Variants in CYP4F12 observed in about 807,000 individuals in gnomAD.
The protein encoded by CYP4F12 is cytochrome P450 4F12.
Under a neutral mutation model 56.5 loss-of-function variants are expected in CYP4F12, and 60 were observed. That is an observed-to-expected ratio of 1.06 (90% CI 0.86 to 1.32). CYP4F12 has a LOEUF of 1.32. CYP4F12 is among the 40% of genes most tolerant of loss of function. The pLI, the probability that CYP4F12 is intolerant of heterozygous loss-of-function variation, is 0.00. For missense variants in CYP4F12, 711 were observed against 683.5 expected (o/e 1.04, Z -0.45); for synonymous variants, 263 against 264.9 (o/e 0.99, Z 0.07).
At chr19:15,691,478 AGTATTATT>A (rs1341005367) in intron 9 of CYP4F12, among the ~76,000 whole-genome samples, 1 of 152,222 alleles carries the variant, frequency 6.6e-6, no homozygotes, top group Non-Finnish European at 1.5e-5. Context: ...ATTTGCCAAT[AGTATTATT>A]GTATTATTAA....
chr19:15,696,547 T>A, intron 12 of CYP4F12, 35 bp downstream of exon 12: 1 of 1,604,240 alleles, frequency 6.2e-7, no homozygotes, highest in East Asian at 2.2e-5. Flanking sequence ...AGGGATGGGA[T>A]GATGGGTGCG....
chr19:15,675,228 G>T (rs78505366), intron 2 of CYP4F12, among the ~76,000 whole-genome samples: 54,451 of 62,200 alleles, frequency 0.88, 24,958 homozygotes, highest in East Asian at 1. Context: ...GACTGGGACC[G>T]GCCCTCCCCT....
intron 5 of CYP4F12, 90 bp from the exon 6 acceptor site, chr19:15,682,299 T>C: frequency 1.9e-6 from 3 of 1,544,964 alleles, no homozygotes; most frequent in Admixed American, 1.9e-5. Context: ...AGGAGGCTGG[T>C]TGTGGGGGAG....
chr19:15,682,713 A>T (rs754295823), intron 6 of CYP4F12, among the ~76,000 whole-genome samples: 17 of 152,234 alleles, frequency 1.1e-4, no homozygotes, highest in Admixed American at 3.3e-4. Context: ...GGATGAGCCA[A>T]GCATGTGCAA....
intron 9 of CYP4F12, among the ~76,000 whole-genome samples, chr19:15,687,193 C>T (rs1363771324): frequency 2.3e-4 from 35 of 151,464 alleles, no homozygotes; most frequent in Admixed American, 6.6e-5. Context: ...AGGAGAATGG[C>T]GTGAACCCGG....
At chr19:15,680,887 T>A in intron 5 of CYP4F12, 1 of 342,206 alleles carries the variant, frequency 2.9e-6, no homozygotes, top group South Asian at 2.3e-5. Flanking sequence ...TGGCCAGTTC[T>A]TCTGGATGTG....
chr19:15,687,209 G>A (rs190581835), intron 9 of CYP4F12, among the ~76,000 whole-genome samples: 1,770 of 151,780 alleles, frequency 0.012, 38 homozygotes, highest in African/African-American at 0.041. Context: ...CCCGGGTGGC[G>A]GAGCTTGCAG....
chr19:15,679,784 G>C (rs936435490), intron 3 of CYP4F12, among the ~76,000 whole-genome samples: 1 of 152,150 alleles, frequency 6.6e-6, no homozygotes, highest in African/African-American at 2.4e-5. Flanking sequence ...GAAAACTCTT[G>C]GTTCCACCTG....
At chr19:15,696,096 C>T in intron 10 of CYP4F12, 27 bp downstream of exon 10, 1 of 1,611,024 alleles carries the variant, frequency 6.2e-7, no homozygotes, top group Non-Finnish European at 8.5e-7. Context: ...GGGGAGAAGC[C>T]TCCCGGGTAG....
chr19:15,676,280 C>A (rs1214532193), intron 2 of CYP4F12, among the ~76,000 whole-genome samples: 1 of 151,954 alleles, frequency 6.6e-6, no homozygotes, highest in African/African-American at 2.4e-5. Flanking sequence ...AGACGGCTCA[C>A]TCATTCCTCT....
chr19:15,694,338 C>T (rs2008021727), intron 9 of CYP4F12, among the ~76,000 whole-genome samples: 2 of 152,094 alleles, frequency 1.3e-5, no homozygotes, highest in Non-Finnish European at 1.5e-5. Flanking sequence ...ATGTTCTTCC[C>T]TTTCTTTGCA....
chr19:15,687,629 G>C (rs368781637), intron 9 of CYP4F12, among the ~76,000 whole-genome samples: 3 of 150,004 alleles, frequency 2.0e-5, no homozygotes, highest in Admixed American at 2.0e-4. Flanking sequence ...CTGTGAGACA[G>C]GTGAAAAACT....
rs750073018 is a variant in CYP4F12, at chr19:15,682,441, A to G, written c.578A>G (p.Glu193Gly). The G allele has an allele frequency of 6.2e-7, 1 of 1,613,900 alleles. No homozygotes were observed. The highest frequency in any genetic ancestry group is 1.1e-5 in the South Asian group (1 of 91,090). ...GGCAGCAGTCGTCTGGACATGTTTG[A>G]GCACATCAGCCTCATGACCTTGGAC... ...SEGSSRLDMF[E>G]HISLMTLDSL... is the part of the protein sequence containing the mutation. The change falls in exon 6 of 13, where the codon GAG (glutamate) becomes GGG (glycine). Residue 193 changes from glutamate (E) to glycine (G), a missense_variant. Coordinates refer to ENST00000550308, the MANE Select transcript of CYP4F12 (RefSeq NM_023944.4).
At chr19:15,696,577 C>T in intron 12 of CYP4F12, 65 bp downstream of exon 12, 2 of 1,529,576 alleles carry the variant, frequency 1.3e-6, no homozygotes, top group Non-Finnish European at 1.8e-6. Context: ...AAAAGGGGGA[C>T]GTTGCAGATG....
chr19:15,673,308 C>A (rs751229919), intron 1 of CYP4F12, 173 bp downstream of exon 1: 2 of 587,234 alleles, frequency 3.4e-6, no homozygotes, highest in Non-Finnish European at 6.2e-6. Flanking sequence ...CTCTAATCGG[C>A]CCATCTCTTT....
chr19:15,689,896 A>G (rs2007795957), intron 9 of CYP4F12, among the ~76,000 whole-genome samples: 1 of 152,246 alleles, frequency 6.6e-6, no homozygotes. Context: ...GTGGGAGCTA[A>G]GCTGTGAGGA....
Position 15,696,417 on chromosome 19 carries a change from G to A in CYP4F12, c.1315-13G>A. Reference sequence around the variant, plus strand: ...GAAATCCCACTGGCAAACCTTCTTTGTCTCACCTGCAGGTCTACGACCCCT... The same window carrying A: ...GAAATCCCACTGGCAAACCTTCTTTATCTCACCTGCAGGTCTACGACCCCT... On this transcript the variant is annotated splice_polypyrimidine_tract_variant and intron_variant, in intron 11 of 12. Coordinates refer to ENST00000550308, the MANE Select transcript of CYP4F12 (RefSeq NM_023944.4). 6.2e-7 allele frequency: 1 copy of A among 1,614,134 alleles called. No homozygotes were observed. Among genetic ancestry groups the A allele is most frequent in the Non-Finnish European group, 8.5e-7 (1 of 1,180,020 alleles).
intron 9 of CYP4F12, among the ~76,000 whole-genome samples, chr19:15,688,533 G>T (rs616514): frequency 0.29 from 44,156 of 151,870 alleles, 7,105 homozygotes; most frequent in African/African-American, 0.42. Context: ...TGATCATAGT[G>T]CAAAGCAATC....
chr19:15,682,133 T>C (rs658837), intron 5 of CYP4F12: 2 of 357,592 alleles, frequency 5.6e-6, no homozygotes, highest in South Asian at 6.0e-5. Context: ...GAGGGCAATA[T>C]GTTGACCAAG....
Sources: allele counts gnomAD v4.1 joint callset (sites outside exome capture counted in the v4.1 genomes callset), GRCh38; gene constraint gnomAD v4.1.1; transcripts MANE v1.5; gene names NCBI Gene and HGNC (gene_info 2026-07-23, HGNC 2026-07-21).